Variants in EPB41L4A observed in about 807,000 individuals in gnomAD.
The protein encoded by EPB41L4A is erythrocyte membrane protein band 4.1 like 4A.
In EPB41L4A, 100 loss-of-function variants were observed where a neutral mutation model predicts 108.6. The observed-to-expected ratio is 0.92, with a 90% confidence interval of 0.78 to 1.09. The LOEUF (loss-of-function observed/expected upper bound fraction) is 1.09, where lower values mean the gene tolerates loss of function less well. Ranked by LOEUF, EPB41L4A falls within the 50% of genes least tolerant of loss-of-function variation. The pLI, the probability that EPB41L4A is intolerant of heterozygous loss-of-function variation, is 0.00. For synonymous variants in EPB41L4A, 319 were observed against 289.0 expected (o/e 1.10, Z -1.05); for missense variants, 1,030 against 842.7 (o/e 1.22, Z -2.75).
intron 12 of EPB41L4A, chr5:112,228,144 C>T (rs962966836): frequency 3.9e-5 from 6 of 152,194 alleles, no homozygotes; most frequent in African/African-American, 1.4e-4. Context: ...GACAGAGTTT[C>T]CAGGGAAGCA....
At chr5:112,405,101 A>G (rs947556468) in intron 1 of EPB41L4A, among the ~76,000 whole-genome samples, 18 of 152,204 alleles carry the variant, frequency 1.2e-4, no homozygotes, top group African/African-American at 4.1e-4. Flanking sequence ...AAATGACAGG[A>G]TGTTATAAAA....
chr5:112,143,983 C>T (rs1759159775), intron 13 of EPB41L4A: 1 of 374,662 alleles, frequency 2.7e-6, no homozygotes. Flanking sequence ...TCCAATTCAC[C>T]CCTTATTATC....
At chr5:112,301,865 T>A (rs1016525465) in intron 2 of EPB41L4A, among the ~76,000 whole-genome samples, 1 of 152,232 alleles carries the variant, frequency 6.6e-6, no homozygotes, top group Admixed American at 6.5e-5. Flanking sequence ...GGAAATAAAC[T>A]TTTAAAATTC....
chr5:112,202,825 G>C (rs1327333454), intron 15 of EPB41L4A, among the ~76,000 whole-genome samples: 1 of 152,086 alleles, frequency 6.6e-6, no homozygotes, highest in African/African-American at 2.4e-5. Context: ...GGTGAAAGAA[G>C]GGCTTGGCTT....
chr5:112,159,131 C>G (rs1759755765), downstream of EPB41L4A, among the ~76,000 whole-genome samples: 1 of 151,924 alleles, frequency 6.6e-6, no homozygotes, highest in Non-Finnish European at 1.5e-5. Flanking sequence ...TCATGCTAGT[C>G]CTTGTGTGAT....
intron 2 of EPB41L4A, among the ~76,000 whole-genome samples, chr5:112,283,178 G>A (rs970499139): frequency 1.2e-4 from 19 of 152,296 alleles, no homozygotes; most frequent in Middle Eastern, 3.4e-3. Context: ...GCAGCAGCAA[G>A]ACTCAGTCAA....
At chr5:112,342,378 TG>T (rs1757373731) in intron 1 of EPB41L4A, among the ~76,000 whole-genome samples, 1 of 152,236 alleles carries the variant, frequency 6.6e-6, no homozygotes, top group South Asian at 2.1e-4. Context: ...ATTCACAGAA[TG>T]CTTTATTCAT....
chr5:112,266,393 A>G, intron 4 of EPB41L4A, 63 bp from the exon 5 acceptor site: 1 of 1,146,126 alleles, frequency 8.7e-7, no homozygotes, highest in Non-Finnish European at 1.2e-6. Context: ...GAGGTTTCGG[A>G]CCCTGATAAT....
At chr5:112,372,501 T>C (rs1389557816) in intron 1 of EPB41L4A, among the ~76,000 whole-genome samples, 1 of 152,138 alleles carries the variant, frequency 6.6e-6, no homozygotes, top group African/African-American at 2.4e-5. Flanking sequence ...ATAGCTGAAC[T>C]GAGAGCACTA....
chr5:112,373,906 A>G (rs1393255936), intron 1 of EPB41L4A, among the ~76,000 whole-genome samples: 2 of 152,224 alleles, frequency 1.3e-5, no homozygotes, highest in African/African-American at 2.4e-5. Flanking sequence ...GTTTGTTTTC[A>G]CCAAGTTTTG....
chr5:112,389,463 C>G (rs1024888196), intron 1 of EPB41L4A, among the ~76,000 whole-genome samples: 3 of 152,118 alleles, frequency 2.0e-5, no homozygotes, highest in Admixed American at 6.5e-5. Flanking sequence ...AGACAGAAAA[C>G]GGCCAATTTC....
intron 1 of EPB41L4A, among the ~76,000 whole-genome samples, chr5:112,388,240 G>GTT (rs1760690809): frequency 6.6e-6 from 1 of 152,114 alleles, no homozygotes; most frequent in East Asian, 1.9e-4. Context: ...AGCAGTTAAG[G>GTT]TCACAGTTTA....
At chr5:112,253,365 C>CT (rs1237411450) in intron 9 of EPB41L4A, among the ~76,000 whole-genome samples, 2 of 152,094 alleles carry the variant, frequency 1.3e-5, no homozygotes, top group Non-Finnish European at 2.9e-5. Context: ...AAGAAACTCT[C>CT]TGTTTTAAAA....
chr5:112,383,874 T>G (rs1219907551), intron 1 of EPB41L4A, among the ~76,000 whole-genome samples: 1 of 152,204 alleles, frequency 6.6e-6, no homozygotes, highest in Non-Finnish European at 1.5e-5. Flanking sequence ...CAATTTCCAT[T>G]TGTATATCTC....
chr5:112,172,589 T>C (rs1203065829), intron 18 of EPB41L4A, among the ~76,000 whole-genome samples: 1 of 152,100 alleles, frequency 6.6e-6, no homozygotes, highest in Non-Finnish European at 1.5e-5. Flanking sequence ...GTATTCTGCC[T>C]TTCCTACATT....
intron 12 of EPB41L4A, among the ~76,000 whole-genome samples, chr5:112,224,646 C>G (rs531059201): frequency 1.8e-4 from 28 of 152,160 alleles, no homozygotes; most frequent in Middle Eastern, 3.4e-3. Flanking sequence ...CTTTCACACT[C>G]TTTTTTTTAA....
In EPB41L4A at chr5:112,396,123, T is replaced by C. The variant is rs140538034; in HGVS notation, c.99+22818A>G. ...GTGGGGTTGGGGGAAGGGGGAGGGA[T>C]AGCATTAGGAGAGATACCTAATGTA... On this transcript the variant is annotated intron_variant, in intron 1 of 22. Coordinates refer to ENST00000261486, the MANE Select transcript of EPB41L4A (RefSeq NM_022140.5). 7.4e-3 allele frequency among the ~76,000 whole-genome samples: 1,121 copies of C among 152,088 alleles called. 15 individuals carry two copies. Among genetic ancestry groups the C allele is most frequent in the African/African-American group, 0.026 (1,072 of 41,474 alleles).
chr5:112,404,775 T>C (rs1488229509), intron 1 of EPB41L4A, among the ~76,000 whole-genome samples: 2 of 152,204 alleles, frequency 1.3e-5, no homozygotes, highest in Non-Finnish European at 2.9e-5. Flanking sequence ...ACGCCCTGCA[T>C]CAAGTGCAGG....
chr5:112,217,960 C>G (rs1001164331), intron 12 of EPB41L4A, among the ~76,000 whole-genome samples: 1 of 152,126 alleles, frequency 6.6e-6, no homozygotes, highest in African/African-American at 2.4e-5. Context: ...CAGTACTCTC[C>G]TGGATCCCTC....
Sources: allele counts gnomAD v4.1 joint callset (sites outside exome capture counted in the v4.1 genomes callset), GRCh38; gene constraint gnomAD v4.1.1; transcripts MANE v1.5; gene names NCBI Gene and HGNC (gene_info 2026-07-23, HGNC 2026-07-21).